The following SLC25A21 variants were observed in gnomAD, a reference collection of about 807,000 sequenced individuals.
SLC25A21 encodes the protein solute carrier family 25 member 21, also known as mitochondrial 2-oxodicarboxylate carrier.
In SLC25A21, 47 loss-of-function variants were observed where a neutral mutation model predicts 43.8. The observed-to-expected ratio is 1.07, with a 90% CI of 0.85 to 1.37. The LOEUF is 1.37. Among genes scored for constraint, SLC25A21 ranks in the 40% most tolerant of loss-of-function variants. SLC25A21 has a pLI of 0.00. For synonymous variants in SLC25A21, 131 were observed against 121.3 expected (o/e 1.08, Z -0.52); for missense variants, 352 against 350.2 (o/e 1.00, Z -0.04).
At chr14:36,767,437 T>C (rs1167039287) in intron 3 of SLC25A21, among the ~76,000 whole-genome samples, 3 of 152,232 alleles carry the variant, frequency 2.0e-5, no homozygotes, top group Non-Finnish European at 4.4e-5. Context: ...GTATCTCCTC[T>C]TAGAGTGGAA....
chr14:37,153,611 C>A (rs1193285529), intron 1 of SLC25A21, among the ~76,000 whole-genome samples: 2 of 152,202 alleles, frequency 1.3e-5, no homozygotes, highest in Non-Finnish European at 1.5e-5. Context: ...CATTCCCTAC[C>A]CACTGGCCCA....
chr14:36,807,572 C>G lies in SLC25A21; in HGVS notation c.203+6346G>C, dbSNP rs115229353. The stretch of plus-strand genomic sequence containing the variant: ...GACGGTTTCCAGAGACTACTTTGCT[C>G]AGGGGGTTTTCTACAGGGACAGGTC... On this transcript the variant is annotated intron_variant, in intron 3 of 9. Transcript: ENST00000331299. 6.5e-3 allele frequency among the ~76,000 whole-genome samples: 988 copies of G among 152,256 alleles called. 14 individuals carry two copies. Among genetic ancestry groups the G allele is most frequent in the African/African-American group, 0.023 (940 of 41,530 alleles).
intron 7 of SLC25A21, among the ~76,000 whole-genome samples, chr14:36,697,757 A>ATTTT (rs1480702335): frequency 5.6e-5 from 3 of 53,758 alleles, no homozygotes; most frequent in African/African-American, 2.8e-4. Context: ...TTTGCTTTCC[A>ATTTT]TTTGCTTGGT....
chr14:37,061,765 C>T (rs1961953100), intron 1 of SLC25A21, among the ~76,000 whole-genome samples: 1 of 152,144 alleles, frequency 6.6e-6, no homozygotes, highest in African/African-American at 2.4e-5. Flanking sequence ...CATGTTATTG[C>T]ATTATTATAA....
intron 1 of SLC25A21, among the ~76,000 whole-genome samples, chr14:36,967,271 C>T (rs1431664783): frequency 1.3e-5 from 2 of 152,158 alleles, no homozygotes; most frequent in Non-Finnish European, 2.9e-5. Context: ...ACCACATTCC[C>T]ACAAGTGAGT....
At chr14:37,048,885 T>C (rs931730380) in intron 1 of SLC25A21, among the ~76,000 whole-genome samples, 2 of 152,216 alleles carry the variant, frequency 1.3e-5, no homozygotes, top group African/African-American at 4.8e-5. Context: ...CTTTTAGTTT[T>C]GCCAAAGCAG....
chr14:36,763,812 C>T (rs1019747908), intron 3 of SLC25A21, among the ~76,000 whole-genome samples: 25 of 151,568 alleles, frequency 1.6e-4, no homozygotes, highest in Non-Finnish European at 3.1e-4. Context: ...AGGTGGATCA[C>T]AAGGTCAGGA....
intron 1 of SLC25A21, among the ~76,000 whole-genome samples, chr14:37,122,246 T>A (rs1963222309): frequency 6.6e-6 from 1 of 152,226 alleles, no homozygotes; most frequent in African/African-American, 2.4e-5. Flanking sequence ...AGTGCATCTG[T>A]TTAATCAGTT....
chr14:36,767,963 AGGCTGTTGTAATCCT>A, intron 3 of SLC25A21, among the ~76,000 whole-genome samples: 1 of 152,190 alleles, frequency 6.6e-6, no homozygotes, highest in Non-Finnish European at 1.5e-5. Flanking sequence ...TGCTGTGATT[AGGCTGTTGTAATCCT>A]GGCCCACATC....
At chr14:36,736,446 T>C (rs1456047341) in intron 3 of SLC25A21, among the ~76,000 whole-genome samples, 3 of 152,230 alleles carry the variant, frequency 2.0e-5, no homozygotes, top group East Asian at 3.9e-4. Context: ...AATTTCATTA[T>C]AAATTAATCA....
At chr14:36,688,090 A>T (rs7147538) in intron 7 of SLC25A21, among the ~76,000 whole-genome samples, 1,784 of 152,288 alleles carry the variant, frequency 0.012, 33 homozygotes, top group African/African-American at 0.037. Context: ...TAATTACTCA[A>T]ATATACCAAG....
intron 1 of SLC25A21, among the ~76,000 whole-genome samples, chr14:36,937,929 T>C (rs1417336028): frequency 6.6e-6 from 1 of 152,220 alleles, no homozygotes; most frequent in Non-Finnish European, 1.5e-5. Context: ...TAAACAAGTA[T>C]AGGTTAATTA....
At chr14:37,138,110 T>C (rs997078789) in intron 1 of SLC25A21, among the ~76,000 whole-genome samples, 12 of 152,290 alleles carry the variant, frequency 7.9e-5, no homozygotes, top group African/African-American at 2.9e-4. Context: ...CTTTGGATGT[T>C]AGATGGTGAC....
intron 1 of SLC25A21, among the ~76,000 whole-genome samples, chr14:36,972,111 A>G (rs1959764635): frequency 6.6e-6 from 1 of 152,144 alleles, no homozygotes; most frequent in Admixed American, 6.5e-5. Context: ...ATATTTTTGG[A>G]TACACACATA....
intron 1 of SLC25A21, among the ~76,000 whole-genome samples, chr14:37,005,667 A>T (rs1417046816): frequency 6.6e-6 from 1 of 152,048 alleles, no homozygotes; most frequent in East Asian, 1.9e-4. Context: ...AACATATTGT[A>T]TATCTTTCAT....
At chr14:36,691,541 A>G (rs1882794528) in intron 7 of SLC25A21, among the ~76,000 whole-genome samples, 1 of 152,168 alleles carries the variant, frequency 6.6e-6, no homozygotes, top group South Asian at 2.1e-4. Context: ...ACTTTGCTCA[A>G]TTGCAAGGGC....
chr14:36,859,019 G>T (rs1889987249), intron 2 of SLC25A21, among the ~76,000 whole-genome samples: 1 of 152,154 alleles, frequency 6.6e-6, no homozygotes, highest in Non-Finnish European at 1.5e-5. Flanking sequence ...AGAAGTTGCA[G>T]TTAACATTTT....
intron 1 of SLC25A21, among the ~76,000 whole-genome samples, chr14:37,125,963 G>A (rs1963290553): frequency 6.6e-6 from 1 of 152,184 alleles, no homozygotes; most frequent in South Asian, 2.1e-4. Context: ...TTTGAGTACT[G>A]AATGATATAA....
chr14:37,064,700 C>A (rs185015863), intron 1 of SLC25A21, among the ~76,000 whole-genome samples: 16 of 152,268 alleles, frequency 1.1e-4, no homozygotes, highest in Admixed American at 1.0e-3. Flanking sequence ...TGAATTAACT[C>A]ATTTGTGTCT....
Sources: allele counts gnomAD v4.1 joint callset (sites outside exome capture counted in the v4.1 genomes callset), GRCh38; gene constraint gnomAD v4.1.1; transcripts MANE v1.5; gene names NCBI Gene and HGNC (gene_info 2026-07-23, HGNC 2026-07-21).